The following HSD17B11 variants were observed in gnomAD, a reference collection of about 807,000 sequenced individuals.
HSD17B11 encodes the protein estradiol 17-beta-dehydrogenase 11.
Under a neutral mutation model 27.8 loss-of-function variants are expected in HSD17B11, and 22 were observed. The observed-to-expected ratio is 0.79, with a 90% CI of 0.56 to 1.13. The LOEUF (loss-of-function observed/expected upper bound fraction) is 1.13, where lower values mean the gene tolerates loss of function less well. HSD17B11 is among the 50% of genes most tolerant of loss of function. HSD17B11 has a pLI of 0.00. For synonymous variants in HSD17B11, 117 were observed against 132.8 expected, an observed-to-expected ratio of 0.88 and a Z score of 0.82; for missense variants, 314 against 351.1, an observed-to-expected ratio of 0.89 and a Z score of 0.84.
intron 2 of HSD17B11, among the ~76,000 whole-genome samples, chr4:87,379,443 T>C (rs1720066955): frequency 6.8e-6 from 1 of 148,072 alleles, no homozygotes; most frequent in African/African-American, 2.5e-5. Context: ...CTTGGGCAGA[T>C]TCCTGGATAT....
intron 4 of HSD17B11, among the ~76,000 whole-genome samples, chr4:87,363,305 GA>G (rs928824888): frequency 2.0e-5 from 3 of 151,454 alleles, no homozygotes; most frequent in African/African-American, 4.9e-5. Context: ...TGAATGAATG[GA>G]AAAAAAATCA....
intron 2 of HSD17B11, among the ~76,000 whole-genome samples, chr4:87,378,615 T>C (rs1040272773): frequency 5.3e-5 from 8 of 150,056 alleles, no homozygotes; most frequent in Non-Finnish European, 7.4e-5. Flanking sequence ...GCAACCAGAG[T>C]AGCCTATTTG....
rs756925792 is a variant in HSD17B11 at position 87,390,843 on chromosome 4, CAT to C, written c.210+16_210+17del. 25 of 1,604,888 alleles carry C rather than the reference CAT, an allele frequency of 1.6e-5. No homozygotes were observed. Among genetic ancestry groups the C allele is most frequent in the African/African-American group, 2.7e-5 (2 of 74,750 alleles). ...AAATTAAAGGTACCAGAAAGTAAAA[CAT>C]AGTAAACACTGTTACCTTATTTATA... On this transcript the variant is annotated intron_variant, in intron 1 of 6. Coordinates refer to ENST00000358290, the MANE Select transcript of HSD17B11 (RefSeq NM_016245.5).
chr4:87,372,882 T>A (rs1448902867), intron 3 of HSD17B11, 67 bp from the exon 4 acceptor site: 1 of 956,684 alleles, frequency 1.0e-6, no homozygotes, highest in African/African-American at 1.7e-5. Flanking sequence ...ATTGGGAATA[T>A]TTTGAAACAA....
In HSD17B11 at chr4:87,337,186, GA is replaced by G; in HGVS notation, c.*89del. 1 of 825,852 alleles carries G rather than the reference GA, an allele frequency of 1.2e-6. No individual in the cohort carries two copies. The highest frequency in any genetic ancestry group is 1.5e-5 in the South Asian group (1 of 68,336). 51.2% of individuals were successfully genotyped at this position (825,852 alleles called of 1,614,324 possible). Reference sequence around the variant, plus strand: ...GATATTGAAGAAATGGGGATAATTAGAAAAAACAGAAGTTCAAACATTAAAA... The same window carrying G: ...GATATTGAAGAAATGGGGATAATTAGAAAAACAGAAGTTCAAACATTAAAA... On this transcript the variant is annotated 3_prime_UTR_variant, in exon 7 of 7. Transcript: ENST00000358290.
Position 87,391,155 on chromosome 4 carries a change from C to G in HSD17B11, c.-85G>C. 1 of 977,786 alleles carries G rather than the reference C, an allele frequency of 1.0e-6. No homozygotes were observed. The highest frequency in any genetic ancestry group is 1.6e-5 in the South Asian group (1 of 64,456). The allele number at this position is 977,786 out of a possible 1,614,324, so 60.6% of individuals were successfully genotyped here. A position where few individuals can be genotyped will look rare whatever the true frequency, so the allele number is the denominator to read the frequency against. On this transcript the variant is annotated 5_prime_UTR_variant, in exon 1 of 7. Coordinates refer to ENST00000358290, the MANE Select transcript of HSD17B11 (RefSeq NM_016245.5). Reference sequence around the variant, plus strand: ...TTTTAGAGGGTAGCTCGATCTAACACCAGAAAGAGTAGGGGCGAGAGCAAG... The same window carrying G: ...TTTTAGAGGGTAGCTCGATCTAACAGCAGAAAGAGTAGGGGCGAGAGCAAG...
At chr4:87,379,689 G>GTAT (rs201405261) in intron 2 of HSD17B11, among the ~76,000 whole-genome samples, 5,591 of 142,654 alleles carry the variant, frequency 0.039, 393 homozygotes, top group African/African-American at 0.14. Context: ...TATAGTATTA[G>GTAT]TATACTATAC....
At chr4:87,340,640 C>G (rs1349441807) in intron 5 of HSD17B11, 34 bp from the exon 6 acceptor site, 8 of 1,401,632 alleles carry the variant, frequency 5.7e-6, no homozygotes, top group Non-Finnish European at 8.1e-6. Flanking sequence ...AAACAAAATA[C>G]TTCACCGAGG....
chr4:87,386,827 G>A (rs754343541), intron 1 of HSD17B11: 2 of 152,002 alleles, frequency 1.3e-5, no homozygotes, highest in Non-Finnish European at 2.9e-5. Flanking sequence ...TAGTCTTTGA[G>A]CATATATTAT....
At chr4:87,343,058 G>C (rs1735199518) in intron 5 of HSD17B11, among the ~76,000 whole-genome samples, 1 of 152,156 alleles carries the variant, frequency 6.6e-6, no homozygotes, top group Admixed American at 6.5e-5. Context: ...TGTAAATAGA[G>C]CACTCTCTCA....
Sources: gnomAD v4.1 joint callset for allele counts (sites outside exome capture counted in the v4.1 genomes callset) on GRCh38, gnomAD v4.1.1 for gene constraint, MANE v1.5 for transcripts, NCBI Gene and HGNC (gene_info 2026-07-23, HGNC 2026-07-21) for gene names.